Variants in CRYBG1 observed in about 807,000 individuals in gnomAD.
CRYBG1 encodes the protein beta/gamma crystallin domain-containing protein 1.
Under a neutral mutation model 189.2 loss-of-function variants are expected in CRYBG1, and 139 were observed. The ratio of observed to expected loss-of-function variants is 0.73; its 90% CI spans 0.64 to 0.85. The LOEUF (loss-of-function observed/expected upper bound fraction) is 0.85, where lower values mean the gene tolerates loss of function less well. Ranked by LOEUF, CRYBG1 falls within the 40% of genes least tolerant of loss-of-function variation. CRYBG1 has a pLI of 0.00. For synonymous variants in CRYBG1, 1,023 were observed against 1,017.1 expected (o/e 1.01, Z -0.11); for missense variants, 2,611 against 2,675.8 (o/e 0.98, Z 0.53).
chr6:106,520,667 T>A lies in CRYBG1; in HGVS notation c.3459T>A (p.Asp1153Glu). ...IHEDHLEKVF[D>E]PKVFTFGLGK... ...AAGACCATTTAGAAAAGGTGTTTGA[T>A]CCCAAAGTGTTTACCTTTGGTTTGG... is the stretch of plus-strand genomic sequence containing the variant. The change falls in exon 4 of 22, where the codon GAT (aspartate) becomes GAA (glutamate). Residue 1153 changes from aspartate (D) to glutamate (E), a missense_variant. Asp to Glu is a conservative substitution (Grantham distance 45). Transcript: ENST00000633556. 1 of 1,614,212 alleles carries A rather than the reference T, an allele frequency of 6.2e-7. No individual in the cohort carries two copies. The highest frequency in any genetic ancestry group is 8.5e-7 in the Non-Finnish European group (1 of 1,180,034).
chr6:106,529,874 G>A (rs1423933141), intron 7 of CRYBG1, among the ~76,000 whole-genome samples: 2 of 152,150 alleles, frequency 1.3e-5, no homozygotes, highest in Non-Finnish European at 2.9e-5. Context: ...AGACCAAAGA[G>A]GACCAAGTGA....
chr6:106,488,421 G>A (rs894753220), intron 2 of CRYBG1, among the ~76,000 whole-genome samples: 2 of 152,212 alleles, frequency 1.3e-5, no homozygotes, highest in African/African-American at 4.8e-5. Context: ...CAAGCTGGCT[G>A]TCAAACCAGG....
Position 106,519,337 on chromosome 6 carries a change from C to T in CRYBG1, c.2129C>T (p.Thr710Met), listed in dbSNP as rs201575286. The change falls in exon 4 of 22, where the codon ACG becomes ATG. Residue 710 changes from threonine to methionine, a missense_variant. By Grantham distance (81) the Thr-to-Met change is moderately conservative. Coordinates refer to ENST00000633556, the MANE Select transcript of CRYBG1 (RefSeq NM_001371242.2). ...AGGAATACTCCTGCCTCTAGTAAAACGTTTGTTGGGAGGGCAAAGCTGAAT... is the reference window on the plus strand; with the variant it reads ...AGGAATACTCCTGCCTCTAGTAAAATGTTTGTTGGGAGGGCAAAGCTGAAT... ...GQRNTPASSKTFVGRAKLNLA... is the reference protein window; with the variant it reads ...GQRNTPASSKMFVGRAKLNLA... 40 of 1,614,070 alleles carry T rather than the reference C, an allele frequency of 2.5e-5. No homozygotes were observed. The Middle Eastern group carries it at 4.9e-4, about 20-fold the overall frequency.
At chr6:106,515,127 A>G (rs566325033) in intron 3 of CRYBG1, among the ~76,000 whole-genome samples, 62 of 152,380 alleles carry the variant, frequency 4.1e-4, no homozygotes, top group African/African-American at 1.3e-3. Flanking sequence ...AAAAATTATT[A>G]CTTCAAGTTC....
At chr6:106,553,976 C>T (rs951028376) in intron 16 of CRYBG1, among the ~76,000 whole-genome samples, 1 of 152,110 alleles carries the variant, frequency 6.6e-6, no homozygotes, top group African/African-American at 2.4e-5. Flanking sequence ...CATACCAGTC[C>T]GGCTTGCTGG....
At chr6:106,544,116 G>A (rs968188704) in intron 11 of CRYBG1, among the ~76,000 whole-genome samples, 1 of 152,214 alleles carries the variant, frequency 6.6e-6, no homozygotes, top group Admixed American at 6.5e-5. Flanking sequence ...TTAGAATTAT[G>A]CTCCAAGCTA....
At chr6:106,539,299 T>C in intron 8 of CRYBG1, 104 bp from the exon 9 acceptor site, 1 of 1,375,026 alleles carries the variant, frequency 7.3e-7, no homozygotes, top group Non-Finnish European at 1.0e-6. Context: ...TAGGTCCGTA[T>C]CCTCTCCTGT....
At chr6:106,380,709 G>A (rs1770269188) in intron 1 of CRYBG1, among the ~76,000 whole-genome samples, 3 of 152,180 alleles carry the variant, frequency 2.0e-5, no homozygotes, top group African/African-American at 7.2e-5. Flanking sequence ...AATAGGAAGG[G>A]TGAATTCAGT....
intron 2 of CRYBG1, among the ~76,000 whole-genome samples, chr6:106,501,975 G>A (rs1000938806): frequency 1.3e-5 from 2 of 152,194 alleles, no homozygotes; most frequent in East Asian, 3.8e-4. Context: ...TAGAGTCCGT[G>A]CTGTGTTGGA....
intron 1 of CRYBG1, among the ~76,000 whole-genome samples, chr6:106,409,768 T>C: frequency 6.6e-6 from 1 of 152,130 alleles, no homozygotes; most frequent in East Asian, 1.9e-4. Flanking sequence ...AAACAAGCAA[T>C]GGGGAAAGGA....
intron 1 of CRYBG1, among the ~76,000 whole-genome samples, chr6:106,403,359 A>T (rs1333673141): frequency 6.6e-6 from 1 of 151,356 alleles, no homozygotes; most frequent in Non-Finnish European, 1.5e-5. Flanking sequence ...TAAAAGGTTC[A>T]CTTGTGACTG....
At chr6:106,495,579 G>A (rs1772828631) in intron 2 of CRYBG1, among the ~76,000 whole-genome samples, 1 of 151,306 alleles carries the variant, frequency 6.6e-6, no homozygotes, top group Non-Finnish European at 1.5e-5. Flanking sequence ...ATGGAATATA[G>A]TGGGGGGGCT....
At chr6:106,447,141 G>A (rs1311964731) in intron 1 of CRYBG1, among the ~76,000 whole-genome samples, 3 of 152,164 alleles carry the variant, frequency 2.0e-5, no homozygotes, top group Non-Finnish European at 4.4e-5. Context: ...CAATATGATA[G>A]CATTTGGCGG....
At chr6:106,427,454 C>A (rs1450923321) in intron 1 of CRYBG1, among the ~76,000 whole-genome samples, 1 of 152,166 alleles carries the variant, frequency 6.6e-6, no homozygotes, top group Non-Finnish European at 1.5e-5. Context: ...TCCTCTTACA[C>A]CCCACCTTCA....
At chr6:106,547,212 A>C (rs4559112) in intron 13 of CRYBG1, among the ~76,000 whole-genome samples, 632 of 60,296 alleles carry the variant, frequency 0.01, 7 homozygotes, top group African/African-American at 0.022. Flanking sequence ...ACACACACAC[A>C]CCACTTCCTT....
chr6:106,544,849 G>C lies in CRYBG1; in HGVS notation c.5228G>C (p.Ser1743Thr). Residue 1743 changes from serine (S) to threonine (T), a missense_variant, in exon 13 of 22, where the codon AGT becomes ACT. Around this residue, in one of 3 missense-constraint regions of CRYBG1, gnomAD observed 1,622 missense variants for 1,735.0 expected, o/e 0.93. Coordinates refer to ENST00000633556, the MANE Select transcript of CRYBG1 (RefSeq NM_001371242.2). ...SEKNFGSKGS[S>T]IDVLGIVANL... is the part of the protein sequence containing the mutation. ...AAAAACTTTGGATCCAAAGGTTCCA[G>C]TATTGATGTATTGGGAATTGTTGCT... 1 of 1,613,740 alleles carries C rather than the reference G, an allele frequency of 6.2e-7. No homozygotes were observed. The highest frequency in any genetic ancestry group is 1.1e-5 in the South Asian group (1 of 90,994).
Position 106,377,546 on chromosome 6 carries a change from C to A in CRYBG1, c.173+16465C>A, listed in dbSNP as rs1438979433. Among the ~76,000 whole-genome samples, 3 of 151,044 alleles carry A rather than the reference C, an allele frequency of 2.0e-5. No homozygotes were observed. The South Asian group carries it at 6.2e-4, about 31-fold the overall frequency. On this transcript the variant is annotated intron_variant, in intron 1 of 21. Coordinates refer to ENST00000633556, the MANE Select transcript of CRYBG1 (RefSeq NM_001371242.2). ...GTTTTCTGTGATTACCAGGTTATCA[C>A]TGACAGAATCTCTGACTGAGAGAAT...
chr6:106,552,582 C>CAAAAAAA (rs58470981), intron 15 of CRYBG1, among the ~76,000 whole-genome samples: 10 of 67,644 alleles, frequency 1.5e-4, no homozygotes, highest in Non-Finnish European at 2.2e-4. Context: ...GACTCTGTCT[C>CAAAAAAA]AAAAAAAAAA....
intron 8 of CRYBG1, among the ~76,000 whole-genome samples, chr6:106,537,003 G>A (rs2114564010): frequency 6.6e-6 from 1 of 152,266 alleles, no homozygotes; most frequent in East Asian, 1.9e-4. Context: ...TACCCAGCAG[G>A]CCTTCAGCAC....
Sources: allele counts gnomAD v4.1 joint callset (sites outside exome capture counted in the v4.1 genomes callset), GRCh38; gene constraint gnomAD v4.1.1; regional missense constraint gnomAD v4.1.1; transcripts MANE v1.5; gene names NCBI Gene and HGNC (gene_info 2026-07-23, HGNC 2026-07-21).